The following PODNL1 variants were observed in gnomAD, a reference collection of about 807,000 sequenced individuals.
PODNL1 encodes podocan-like protein 1.
Under a neutral mutation model 45.1 loss-of-function variants are expected in PODNL1, and 50 were observed. The ratio of observed to expected loss-of-function variants is 1.11; its 90% confidence interval spans 0.88 to 1.40. The LOEUF is 1.40. Ranked by LOEUF, PODNL1 falls within the 40% of genes most tolerant of loss-of-function variation. The pLI, the probability that PODNL1 is intolerant of heterozygous loss-of-function variation, is 0.00. For synonymous variants in PODNL1, 406 were observed against 372.5 expected (o/e 1.09, Z -1.04); for missense variants, 788 against 793.3 (o/e 0.99, Z 0.08).
At chr19:13,934,728 G>A (rs1004906100) in intron 5 of PODNL1, among the ~76,000 whole-genome samples, 6 of 152,162 alleles carry the variant, frequency 3.9e-5, no homozygotes, top group Middle Eastern at 3.4e-3. Flanking sequence ...GTGTGTGGGC[G>A]TGCATGTGTG....
intron 1 of PODNL1, among the ~76,000 whole-genome samples, chr19:13,945,488 C>G (rs2145459506): frequency 6.6e-6 from 1 of 151,648 alleles, no homozygotes; most frequent in East Asian, 2.0e-4. Context: ...GACCCTGTCT[C>G]TACAATTTTT....
intron 2 of PODNL1, 121 bp downstream of exon 2, chr19:13,937,664 C>T (rs1468640442): frequency 1.8e-5 from 16 of 912,530 alleles, no homozygotes; most frequent in Non-Finnish European, 2.3e-5. Flanking sequence ...TGCTCTGCAC[C>T]GCCCTCCTGC....
At position 13,935,995 on chromosome 19, in the gene PODNL1, G is replaced by A. The variant is rs887517055; in HGVS notation, c.369C>T (p.Cys123=). 8.2e-5 allele frequency: 127 copies of A among 1,552,540 alleles called. No homozygotes were observed. Among genetic ancestry groups the A allele is most frequent in the Admixed American group, 1.6e-4 (8 of 51,274 alleles). ...GGGGGCTCACCTTGTTGTGAGCCAC[G>A]CAGAGGTGCTGCAGCTGGGTGAGGG... The part of the protein sequence containing the change: ...FESLTQLQHL[C]VAHNKLSVAP... The change falls in exon 4 of 10, where the codon TGC becomes TGT. Residue 123 remains cysteine, a synonymous_variant. Transcript: ENST00000588872.
chr19:13,949,929 C>T (rs1421447821), intron 1 of PODNL1, among the ~76,000 whole-genome samples: 3 of 148,468 alleles, frequency 2.0e-5, no homozygotes, highest in Admixed American at 6.7e-5. Context: ...GGCGTGATCT[C>T]GACTCACTGA....
Position 13,934,395 on chromosome 19 carries a change from G to A in PODNL1, c.510C>T (p.His170=). 1 of 1,544,164 alleles carries A rather than the reference G, an allele frequency of 6.5e-7. No homozygotes were observed. The highest frequency in any genetic ancestry group is 8.7e-7 in the Non-Finnish European group (1 of 1,145,682). Residue 170 remains histidine (H), a synonymous_variant, in exon 6 of 10, where the codon CAC becomes CAT. Transcript: ENST00000588872. ...GGCCAGCGTTGCTCAGCTGGTTGTT[G>A]TGGAGGTACACGGACCTGAGGAGAG... ...EKPALRSVYL[H]NNQLSNAGLP...
intron 1 of PODNL1, 39 bp downstream of exon 1, chr19:13,938,140 G>A (rs1018023837): frequency 1.9e-6 from 3 of 1,566,524 alleles, no homozygotes; most frequent in East Asian, 2.3e-5. Flanking sequence ...GGGGGGGCAG[G>A]CAGGCCCCAC....
chr19:13,944,591 G>T (rs745891835), intron 1 of PODNL1, among the ~76,000 whole-genome samples: 4 of 151,916 alleles, frequency 2.6e-5, no homozygotes, highest in Non-Finnish European at 5.9e-5. Context: ...CCGAGTAGCT[G>T]GGACTACAGG....
intron 1 of PODNL1, chr19:13,952,377 T>C (rs1973084368): frequency 4.3e-6 from 5 of 1,154,372 alleles, no homozygotes; most frequent in Non-Finnish European, 5.5e-6. Flanking sequence ...TCGAGATGGC[T>C]TTGATGGACA....
Position 13,931,613 on chromosome 19 carries a change from G to A in PODNL1, c.*124C>T. 1.3e-5 allele frequency: 14 copies of A among 1,056,438 alleles called. No individual in the cohort carries two copies. In the South Asian group the frequency reaches 6.0e-4, roughly 45 times the overall value. The allele number at this position is 1,056,438 out of a possible 1,614,324, so 65.4% of individuals were successfully genotyped here. A position where few individuals can be genotyped will look rare whatever the true frequency, so the allele number is the denominator to read the frequency against. ...TCTGTGTCTCGGCCAGTGGCAGGCA[G>A]AGCAGGCCCAGCCCTGGAGGCCCAG... On this transcript the variant is annotated 3_prime_UTR_variant, in exon 10 of 10. Coordinates refer to ENST00000588872, the MANE Select transcript of PODNL1 (RefSeq NM_001370095.3).
Position 13,933,500 on chromosome 19 carries a change from G to A in PODNL1, c.768-45C>T, listed in dbSNP as rs770418095. On this transcript the variant is annotated intron_variant, in intron 7 of 9. Coordinates refer to ENST00000588872, the MANE Select transcript of PODNL1 (RefSeq NM_001370095.3). This position sits in a 1 kb window ranked among gnomAD's most constrained non-coding sequence, Gnocchi z 5.2. ...GTGTTAGGTGGGGCACTTGGAGTGG[G>A]GTGCCTGACAGATTTTGGCGGGGAG... 1.2e-5 allele frequency: 18 copies of A among 1,510,392 alleles called. No homozygotes were observed. In the South Asian group the frequency reaches 2.1e-4, roughly 17 times the overall value. The allele number at this position is 1,510,392 out of a possible 1,614,324, so 93.6% of individuals were successfully genotyped here. A position where few individuals can be genotyped will look rare whatever the true frequency, so the allele number is the denominator to read the frequency against.
chr19:13,933,241 G>A lies in PODNL1; in HGVS notation c.982C>T (p.Pro328Ser). The A allele has an allele frequency of 6.5e-7, 1 of 1,545,088 alleles. No homozygotes were observed. Among genetic ancestry groups the A allele is most frequent in the Non-Finnish European group, 8.7e-7 (1 of 1,150,358 alleles). ...SSGLPAGALR[P>S]LRGLHTLHLY... ...TGCAGCGTGTGCAGGCCCCGCAGCG[G>A]CCGCAGAGCCCCGGCGGGCAGCCCT... The change falls in exon 8 of 10, where the codon CCG becomes TCG. Residue 328 changes from proline to serine, a missense_variant. Physicochemically the swap from Pro to Ser is moderately conservative, Grantham distance 74. Coordinates refer to ENST00000588872, the MANE Select transcript of PODNL1 (RefSeq NM_001370095.3). The surrounding 1 kb of genome is among the most constrained non-coding windows in gnomAD (Gnocchi z 5.2).
chr19:13,936,348 C>A lies in PODNL1; in HGVS notation c.319+19G>T, dbSNP rs539591610. 1.8e-5 allele frequency: 29 copies of A among 1,600,462 alleles called. 1 individual carries two copies. The South Asian group carries it at 2.9e-4, about 16-fold the overall frequency. ...CAGTCCTACAGCCCCAGAGAGGCCGCCTCCCTCTGCCCCCTCACCTTCGGA... is the reference window on the plus strand; with the variant it reads ...CAGTCCTACAGCCCCAGAGAGGCCGACTCCCTCTGCCCCCTCACCTTCGGA... On this transcript the variant is annotated intron_variant, in intron 3 of 9. Transcript: ENST00000588872.
chr19:13,934,484 T>TC, intron 5 of PODNL1, 74 bp from the exon 6 acceptor site: 2 of 1,396,212 alleles, frequency 1.4e-6, no homozygotes, highest in Non-Finnish European at 1.9e-6. Flanking sequence ...CACACCCTGC[T>TC]CAGGGTCGCC....
chr19:13,952,451 A>G, intron 1 of PODNL1: 1 of 1,244,366 alleles, frequency 8.0e-7, no homozygotes, highest in Non-Finnish European at 1.0e-6. Flanking sequence ...AGGACCAATG[A>G]GGAGGCGGCA....
At chr19:13,952,135 A>T (rs1238841217) in intron 1 of PODNL1, among the ~76,000 whole-genome samples, 2 of 152,200 alleles carry the variant, frequency 1.3e-5, no homozygotes, top group East Asian at 1.9e-4. Context: ...GCCTTGGTGG[A>T]CCACAGGCTC....
chr19:13,947,412 C>T (rs1972858674), intron 1 of PODNL1, among the ~76,000 whole-genome samples: 1 of 149,986 alleles, frequency 6.7e-6, no homozygotes, highest in South Asian at 2.1e-4. Flanking sequence ...ACCCGGGAGA[C>T]GGAGGTTGCA....
intron 1 of PODNL1, among the ~76,000 whole-genome samples, chr19:13,944,499 C>T (rs1322733616): frequency 2.0e-5 from 3 of 151,690 alleles, no homozygotes; most frequent in Admixed American, 6.6e-5. Context: ...TCTCTGTTGC[C>T]CAGGCTGGAG....
intron 1 of PODNL1, among the ~76,000 whole-genome samples, chr19:13,950,667 G>A (rs67618606): frequency 0.15 from 22,090 of 152,184 alleles, 1,766 homozygotes; most frequent in Middle Eastern, 0.27. Flanking sequence ...GGCAGTAGCT[G>A]CCAGGTGTCC....
chr19:13,952,345 T>A, intron 1 of PODNL1: 1 of 996,094 alleles, frequency 1.0e-6, no homozygotes, highest in Non-Finnish European at 1.3e-6. Context: ...CGGGGGCTGT[T>A]ACTGTCGCTA....
Sources: allele counts gnomAD v4.1 joint callset (sites outside exome capture counted in the v4.1 genomes callset), GRCh38; gene constraint gnomAD v4.1.1; non-coding constraint Gnocchi (gnomAD v3.1); transcripts MANE v1.5; gene names NCBI Gene and HGNC (gene_info 2026-07-23, HGNC 2026-07-21).